Variants in DSG1 observed in about 807,000 individuals in gnomAD.
DSG1 encodes desmoglein-1.
In DSG1, 39 loss-of-function variants were observed where a neutral mutation model predicts 97.5. That is an observed-to-expected ratio of 0.40 (90% CI 0.31 to 0.52). DSG1 has a LOEUF of 0.52. DSG1 is among the 20% of genes least tolerant of loss of function. The probability of loss-of-function intolerance (pLI) is 0.53; values close to 1 mark genes in which losing one functional copy is unlikely to be tolerated. For synonymous variants in DSG1, 475 were observed against 443.4 expected (o/e 1.07, Z -0.90); for missense variants, 1,311 against 1,295.4 (o/e 1.01, Z -0.18).
rs983943339 is a variant in DSG1 at position 31,343,990 on chromosome 18, A to G, written c.1886A>G (p.Asn629Ser). 1.2e-6 allele frequency: 2 copies of G among 1,610,652 alleles called. No homozygotes were observed. Among genetic ancestry groups the G allele is most frequent in the Non-Finnish European group, 1.7e-6 (2 of 1,177,126 alleles). The change falls in exon 13 of 15, where the codon AAC (asparagine) becomes AGC (serine). Residue 629 changes from asparagine to serine, a missense_variant. Asn to Ser is a conservative substitution (Grantham distance 46, BLOSUM62 1). Transcript: ENST00000257192. Reference protein sequence around the residue: ...DNANIIECIDNSGVYTNEYGG... With the variant: ...DNANIIECIDSSGVYTNEYGG... Reference sequence around the variant, plus strand: ...GCAAATATAATTGAATGCATTGACAACTCAGGTAAGAAAAAAGAATTTGTT... The same window carrying G: ...GCAAATATAATTGAATGCATTGACAGCTCAGGTAAGAAAAAAGAATTTGTT...
rs1464173543 is a variant in DSG1 at position 31,338,338 on chromosome 18, C to G, written c.1289C>G (p.Ala430Gly). 1.2e-6 allele frequency: 2 copies of G among 1,613,612 alleles called. No homozygotes were observed. The highest frequency in any genetic ancestry group is 4.5e-5 in the East Asian group (2 of 44,804). ...AGGTATGTAATGGGAAATAATCCAG[C>G]TGACCTGCTAGCTGTTGATTCAAGA... ...TVRYVMGNNP[A>G]DLLAVDSRTG... is the part of the protein sequence containing the mutation. The change falls in exon 10 of 15, where the codon GCT becomes GGT. Residue 430 changes from alanine to glycine, a missense_variant. Ala to Gly is a moderately conservative substitution (Grantham distance 60). Coordinates refer to ENST00000257192, the MANE Select transcript of DSG1 (RefSeq NM_001942.4).
At position 31,323,699 on chromosome 18, in the gene DSG1, A is replaced by G. The variant is rs116082387; in HGVS notation, c.49-2882A>G. ...CCTTTTATCACCAATGTCTTGAAAA[A>G]GTGACCATCTTTATGTCCTCCTCTC... On this transcript the variant is annotated intron_variant, in intron 1 of 14. Coordinates refer to ENST00000257192, the MANE Select transcript of DSG1 (RefSeq NM_001942.4). Among the ~76,000 whole-genome samples the G allele has an allele frequency of 5.1e-3, 775 of 152,228 alleles. 6 individuals are homozygous for G. Among genetic ancestry groups the G allele is most frequent in the African/African-American group, 0.018 (749 of 41,540 alleles).
intron 14 of DSG1, among the ~76,000 whole-genome samples, chr18:31,351,112 A>G (rs1598715562): frequency 6.8e-6 from 1 of 147,574 alleles, no homozygotes; most frequent in East Asian, 2.0e-4. Context: ...ATTTAGTGCT[A>G]TAAATTTCCC....
intron 4 of DSG1, 141 bp from the exon 5 acceptor site, chr18:31,329,751 T>A (rs1007976482): frequency 5.7e-5 from 58 of 1,024,062 alleles, no homozygotes; most frequent in Non-Finnish European, 7.7e-5. Flanking sequence ...TTTCCCTTAG[T>A]GACTGTAAGT....
chr18:31,336,911 G>A (rs1231847328), intron 9 of DSG1, among the ~76,000 whole-genome samples: 1 of 152,128 alleles, frequency 6.6e-6, no homozygotes, highest in Non-Finnish European at 1.5e-5. Context: ...GATTACCACA[G>A]GCCGTGATTC....
At chr18:31,324,596 A>T (rs1278832466) in intron 1 of DSG1, among the ~76,000 whole-genome samples, 1 of 152,010 alleles carries the variant, frequency 6.6e-6, no homozygotes, top group Non-Finnish European at 1.5e-5. Flanking sequence ...CTTGTTCCCA[A>T]TCCCACAGTT....
intron 11 of DSG1, among the ~76,000 whole-genome samples, chr18:31,340,811 A>G (rs1426421356): frequency 6.6e-6 from 1 of 152,206 alleles, no homozygotes; most frequent in Non-Finnish European, 1.5e-5. Flanking sequence ...CCAGGTCTCA[A>G]AGAGATTTTA....
At position 31,354,981 on chromosome 18, in the gene DSG1, C is replaced by A. The variant is rs2071941741; in HGVS notation, c.2785C>A (p.Pro929Thr). 1 of 1,614,200 alleles carries A rather than the reference C, an allele frequency of 6.2e-7. No homozygotes were observed. The highest frequency in any genetic ancestry group is 8.5e-7 in the Non-Finnish European group (1 of 1,180,040). The stretch of plus-strand genomic sequence containing the variant: ...GGTAGTGACAGAAAGAGTAATCCAA[C>A]CAACTTCCGGCATGATAGGTAGTCT... ...NVVVTERVIQ[P>T]TSGMIGSLSM... The change falls in exon 15 of 15, where the codon CCA becomes ACA. Residue 929 changes from proline to threonine, a missense_variant. Coordinates refer to ENST00000257192, the MANE Select transcript of DSG1 (RefSeq NM_001942.4).
intron 1 of DSG1, among the ~76,000 whole-genome samples, chr18:31,320,227 A>G (rs191416642): frequency 7.4e-4 from 112 of 152,268 alleles, no homozygotes; most frequent in African/African-American, 2.6e-3. Context: ...AACCACCACT[A>G]TAGCAAATTC....
chr18:31,341,302 C>T (rs1437520686), intron 11 of DSG1, among the ~76,000 whole-genome samples: 3 of 152,180 alleles, frequency 2.0e-5, no homozygotes, highest in Non-Finnish European at 2.9e-5. Flanking sequence ...TTAAATCAAA[C>T]GCTCACACAA....
rs751040177 is a variant in DSG1 at position 31,328,184 on chromosome 18, T to C, written c.217-5T>C. On this transcript the variant is annotated splice_region_variant and splice_polypyrimidine_tract_variant and intron_variant, in intron 3 of 14. Coordinates refer to ENST00000257192, the MANE Select transcript of DSG1 (RefSeq NM_001942.4). ...CTAATATTTTTACTTGTGTTCCTTC[T>C]GCAGATTCACTCAGATTGTGCTGCA... 3.1e-6 allele frequency: 5 copies of C among 1,613,264 alleles called. No homozygotes were observed. The highest frequency in any genetic ancestry group is 3.4e-6 in the Non-Finnish European group (4 of 1,179,348).
chr18:31,336,026 A>G (rs1285206377), intron 8 of DSG1, among the ~76,000 whole-genome samples: 3 of 151,970 alleles, frequency 2.0e-5, no homozygotes, highest in Admixed American at 2.0e-4. Flanking sequence ...TGAAGGTAGG[A>G]TAAATTGTCT....
intron 14 of DSG1, among the ~76,000 whole-genome samples, chr18:31,346,603 T>A (rs1280615290): frequency 6.6e-6 from 1 of 152,276 alleles, no homozygotes; most frequent in East Asian, 1.9e-4. Context: ...AATGCTTGCA[T>A]CCCACTATGT....
intron 8 of DSG1, among the ~76,000 whole-genome samples, chr18:31,335,675 T>G (rs1048664804): frequency 1.3e-5 from 2 of 151,766 alleles, no homozygotes; most frequent in Admixed American, 1.3e-4. Context: ...ATTACTCTTG[T>G]GAAATTTTAG....
intron 14 of DSG1, chr18:31,354,041 A>G: frequency 2.2e-6 from 1 of 454,204 alleles, no homozygotes; most frequent in Non-Finnish European, 3.9e-6. Context: ...TTATGTCCAA[A>G]GTACACAATT....
chr18:31,336,222 T>G, intron 8 of DSG1, 132 bp from the exon 9 acceptor site: 1 of 711,708 alleles, frequency 1.4e-6, no homozygotes, highest in Non-Finnish European at 2.2e-6. Flanking sequence ...TAAGAATGGA[T>G]TGTGTATTTG....
In DSG1 at chr18:31,354,098, T is replaced by G. The variant is rs1375383044; in HGVS notation, c.2101-199T>G. The G allele has an allele frequency of 1.4e-5, 8 of 588,344 alleles. No homozygotes were observed. The East Asian group carries it at 2.3e-4, about 17-fold the overall frequency. 36.4% of individuals were successfully genotyped at this position (588,344 alleles called of 1,614,324 possible). On this transcript the variant is annotated intron_variant, in intron 14 of 14. Coordinates refer to ENST00000257192, the MANE Select transcript of DSG1 (RefSeq NM_001942.4). ...AATTTTTAAAATCATAGTATTAGAA[T>G]TATACTTAAAATGATTTCTAACCAA...
rs146192657 is a variant in DSG1 at position 31,354,311 on chromosome 18, C to T, written c.2115C>T (p.Tyr705=). Residue 705 remains tyrosine (Y), a synonymous_variant, in exon 15 of 15, where the codon TAC becomes TAT. Coordinates refer to ENST00000257192, the MANE Select transcript of DSG1 (RefSeq NM_001942.4). ...ESYFCQKAYA[Y]ADEDEGRPSN... The stretch of plus-strand genomic sequence containing the variant: ...TATAAATTCAGAAAGCATATGCTTA[C>T]GCAGATGAAGATGAAGGACGCCCAT... 8.0e-3 allele frequency: 12,924 copies of T among 1,613,874 alleles called. 72 individuals carry two copies. Among genetic ancestry groups the T allele is most frequent in the Non-Finnish European group, 9.6e-3 (11,268 of 1,179,776 alleles).
intron 8 of DSG1, among the ~76,000 whole-genome samples, chr18:31,335,167 T>C (rs2071744116): frequency 6.6e-6 from 1 of 152,206 alleles, no homozygotes; most frequent in Non-Finnish European, 1.5e-5. Flanking sequence ...TGCTTTAGTT[T>C]ATCCCTCACA....
Sources: allele counts gnomAD v4.1 joint callset (sites outside exome capture counted in the v4.1 genomes callset), GRCh38; gene constraint gnomAD v4.1.1; transcripts MANE v1.5; gene names NCBI Gene and HGNC (gene_info 2026-07-23, HGNC 2026-07-21).